Variants in IQCE observed in about 807,000 individuals in gnomAD.
IQCE encodes IQ motif containing E.
Under a neutral mutation model 96.0 loss-of-function variants are expected in IQCE, and 115 were observed. The ratio of observed to expected loss-of-function variants is 1.20; its 90% CI spans 1.03 to 1.40. The LOEUF is 1.40. IQCE is among the 40% of genes most tolerant of loss of function. The pLI, the probability that IQCE is intolerant of heterozygous loss-of-function variation, is 0.00. For synonymous variants in IQCE, 412 were observed against 371.2 expected, an observed-to-expected ratio of 1.11 and a Z score of -1.26; for missense variants, 1,041 against 909.1, an observed-to-expected ratio of 1.15 and a Z score of -1.87.
At chr7:2,562,785 T>G (rs536600041) in intron 1 of IQCE, among the ~76,000 whole-genome samples, 1 of 152,276 alleles carries the variant, frequency 6.6e-6, no homozygotes, top group East Asian at 1.9e-4. Context: ...CCTTTGAGTT[T>G]AGTTTTCTAT....
chr7:2,577,559 G>A (rs1257109003), intron 6 of IQCE, among the ~76,000 whole-genome samples: 2 of 135,544 alleles, frequency 1.5e-5, no homozygotes, highest in Non-Finnish European at 1.6e-5. Flanking sequence ...GTGGCTGTGC[G>A]CGCGGGGACG....
At chr7:2,597,379 C>A (rs903626120) in intron 16 of IQCE, among the ~76,000 whole-genome samples, 1 of 152,240 alleles carries the variant, frequency 6.6e-6, no homozygotes, top group African/African-American at 2.4e-5. Context: ...ATTGGCCAGG[C>A]CCAGAGGGGC....
chr7:2,577,713 C>T (rs1256369931), intron 6 of IQCE, among the ~76,000 whole-genome samples: 3 of 79,200 alleles, frequency 3.8e-5, no homozygotes, highest in Admixed American at 1.3e-4. Context: ...TGGCTGTGCG[C>T]GCGGGGACGT....
intron 8 of IQCE, among the ~76,000 whole-genome samples, chr7:2,579,230 C>A (rs1264904864): frequency 6.6e-6 from 1 of 152,122 alleles, no homozygotes; most frequent in African/African-American, 2.4e-5. Context: ...TGGCACAGTA[C>A]ACCTCCTAGC....
chr7:2,563,375 TTGTGTGTG>T lies in IQCE; in HGVS notation c.37-3711_37-3704del, dbSNP rs143397539. ...TGATGCCCAGCTAATTAATTTTTTG[TTGTGTGTG>T]TGTGTGTGTGTGTGTGTGTGTGTGT... On this transcript the variant is annotated intron_variant, in intron 1 of 21. Coordinates refer to ENST00000402050, the MANE Select transcript of IQCE (RefSeq NM_152558.5). Among the ~76,000 whole-genome samples the T allele has an allele frequency of 1.2e-4, 16 of 135,682 alleles. 1 individual carries two copies. The highest frequency in any genetic ancestry group is 1.7e-4 in the African/African-American group (6 of 34,630). The allele number at this position is 135,682 out of a possible 152,430, so 89.0% of individuals were successfully genotyped here.
At position 2,611,047 on chromosome 7, in the gene IQCE, C is replaced by G. The variant is rs1315038724; in HGVS notation, c.*885C>G. 1 of 151,210 alleles carries G rather than the reference C, an allele frequency of 6.6e-6. No homozygotes were observed. The highest frequency in any genetic ancestry group is 1.9e-4 in the East Asian group (1 of 5,164). 9.4% of individuals were successfully genotyped at this position (151,210 alleles called of 1,614,324 possible). ...CATAGGCTCGTGGTGGGGCGTGTTGCATCTGGTGTCTGGGACAGTCCCCGT... is the reference window on the plus strand; with the variant it reads ...CATAGGCTCGTGGTGGGGCGTGTTGGATCTGGTGTCTGGGACAGTCCCCGT... On this transcript the variant is annotated 3_prime_UTR_variant, in exon 22 of 22. Coordinates refer to ENST00000402050, the MANE Select transcript of IQCE (RefSeq NM_152558.5).
At chr7:2,577,772 CCTGT>C in intron 6 of IQCE, among the ~76,000 whole-genome samples, 1 of 121,834 alleles carries the variant, frequency 8.2e-6, no homozygotes, top group South Asian at 2.5e-4. Context: ...CGCGCGGGGA[CCTGT>C]GTGCGGCGTA....
rs761014630 is a variant in IQCE, at chr7:2,594,942, A to T, written c.1406A>T (p.Glu469Val). The change falls in exon 16 of 22, where the codon GAA (glutamate) becomes GTA (valine). Residue 469 changes from glutamate (E) to valine (V), a missense_variant. Coordinates refer to ENST00000402050, the MANE Select transcript of IQCE (RefSeq NM_152558.5). ...CAAGAATTGCAAGAAATGAAGAAAG[A>T]AGAGAAAGAGGATTGCCCGGAAGTT... ...KLQELQEMKK[E>V]EKEDCPEVPH... 12 of 1,613,872 alleles carry T rather than the reference A, an allele frequency of 7.4e-6. No homozygotes were observed. Among genetic ancestry groups the T allele is most frequent in the Non-Finnish European group, 1.0e-5 (12 of 1,179,782 alleles).
In IQCE at chr7:2,612,465, T is replaced by TGGGGGCCA. The variant is rs1221438103; in HGVS notation, c.*2308_*2315dup. 1 of 151,258 alleles carries TGGGGGCCA rather than the reference T, an allele frequency of 6.6e-6. No homozygotes were observed. Among genetic ancestry groups the TGGGGGCCA allele is most frequent in the Non-Finnish European group, 1.5e-5 (1 of 67,902 alleles). The allele number at this position is 151,258 out of a possible 1,614,324, so 9.4% of individuals were successfully genotyped here. On this transcript the variant is annotated 3_prime_UTR_variant, in exon 22 of 22. Coordinates refer to ENST00000402050, the MANE Select transcript of IQCE (RefSeq NM_152558.5). The stretch of plus-strand genomic sequence containing the variant: ...CCTCCTTGCCCACGGCCCCAGGGCC[T>TGGGGGCCA]GGGGGCCAGGGGTTCTGGCCCTGCG...
intron 3 of IQCE, among the ~76,000 whole-genome samples, chr7:2,569,412 G>C (rs1356279733): frequency 6.6e-6 from 1 of 152,180 alleles, no homozygotes; most frequent in Non-Finnish European, 1.5e-5. Flanking sequence ...AGGTGTAGTT[G>C]GTGGGACGGG....
At chr7:2,602,671 G>A (rs998738314) in intron 18 of IQCE, among the ~76,000 whole-genome samples, 3 of 152,072 alleles carry the variant, frequency 2.0e-5, no homozygotes, top group Non-Finnish European at 2.9e-5. Flanking sequence ...CCCCACCCAT[G>A]TCCCCTTCCC....
At chr7:2,581,245 G>A (rs1055318948) in intron 8 of IQCE, among the ~76,000 whole-genome samples, 2 of 152,004 alleles carry the variant, frequency 1.3e-5, no homozygotes, top group Admixed American at 6.6e-5. Context: ...TGGCTCTGTC[G>A]CCCAGGCTGC....
At position 2,604,885 on chromosome 7, in the gene IQCE, C is replaced by T. The variant is rs2293404; in HGVS notation, c.1637C>T (p.Ala546Val). 504,337 of 1,606,818 alleles carry T rather than the reference C, an allele frequency of 0.31. 83,066 individuals carry two copies. Among genetic ancestry groups the T allele is most frequent in the East Asian group, 0.54 (24,339 of 44,778 alleles). Reference sequence around the variant, plus strand: ...CCCTGCTTCCTTCCCTGACAGGCGGCTGTGGTGCTTCAGGCAGCTTTCAGG... The same window carrying T: ...CCCTGCTTCCTTCCCTGACAGGCGGTTGTGGTGCTTCAGGCAGCTTTCAGG... The part of the protein sequence containing the change: ...KKKKAVLDEA[A>V]VVLQAAFRGH... The change falls in exon 19 of 22, where the codon GCT becomes GTT. Residue 546 changes from alanine to valine, a missense_variant. Coordinates refer to ENST00000402050, the MANE Select transcript of IQCE (RefSeq NM_152558.5).
At chr7:2,583,410 G>C (rs958769462) in intron 9 of IQCE, among the ~76,000 whole-genome samples, 15 of 151,778 alleles carry the variant, frequency 9.9e-5, no homozygotes, top group African/African-American at 3.4e-4. Context: ...GAAAGTGGCT[G>C]GTCTACACAG....
At chr7:2,605,193 G>A (rs1784713962) in intron 19 of IQCE, among the ~76,000 whole-genome samples, 2 of 152,246 alleles carry the variant, frequency 1.3e-5, no homozygotes, top group African/African-American at 4.8e-5. Flanking sequence ...GGATGGATGT[G>A]GCGTTAGGGC....
chr7:2,586,141 C>T (rs916620195), intron 11 of IQCE, 67 bp from the exon 12 acceptor site: 144 of 1,454,720 alleles, frequency 9.9e-5, no homozygotes, highest in Non-Finnish European at 1.3e-4. Flanking sequence ...TCACCTGTCC[C>T]TCGTTTCAAG....
chr7:2,593,785 TAGAG>T lies in IQCE; in HGVS notation c.1349+662_1349+665del, dbSNP rs747787244. Among the ~76,000 whole-genome samples the T allele has an allele frequency of 3.9e-5, 6 of 152,156 alleles. No homozygotes were observed. The East Asian group carries it at 5.8e-4, about 15-fold the overall frequency. ...TGGGGCGATGTAAACGTTCTGGAAT[TAGAG>T]AGGGGTGGTAGCTGCACAGCATTGT... On this transcript the variant is annotated intron_variant, in intron 15 of 21. Coordinates refer to ENST00000402050, the MANE Select transcript of IQCE (RefSeq NM_152558.5).
chr7:2,606,750 C>T (rs182084783), intron 20 of IQCE, among the ~76,000 whole-genome samples: 118 of 152,234 alleles, frequency 7.8e-4, no homozygotes, highest in Admixed American at 2.1e-3. Context: ...CATCCCTGGG[C>T]GGCGAGCCCC....
At chr7:2,583,769 G>A in intron 10 of IQCE, 60 bp downstream of exon 10, 7 of 242,826 alleles carry the variant, frequency 2.9e-5, no homozygotes, top group Non-Finnish European at 4.1e-5. Flanking sequence ...CGGGGCGGAG[G>A]GCGGGCACCG....
Sources: gnomAD v4.1 joint callset for allele counts (sites outside exome capture counted in the v4.1 genomes callset) on GRCh38, gnomAD v4.1.1 for gene constraint, MANE v1.5 for transcripts, NCBI Gene and HGNC (gene_info 2026-07-23, HGNC 2026-07-21) for gene names.